PEX1: variants seen among roughly 807,000 people sequenced by gnomAD.
PEX1 encodes peroxisomal biogenesis factor 1.
PEX1 carries 97 observed loss-of-function variants against 152.5 expected under a neutral mutation model. The ratio of observed to expected loss-of-function variants is 0.64; its 90% CI spans 0.54 to 0.75. PEX1 has a LOEUF of 0.75. PEX1 is among the 30% of genes least tolerant of loss of function. The pLI is 0.00. For missense variants in PEX1, 1,357 were observed against 1,516.3 expected, an observed-to-expected ratio of 0.89 and a Z score of 1.74; for synonymous variants, 485 against 531.6, an observed-to-expected ratio of 0.91 and a Z score of 1.21.
At chr7:92,503,316 T>C in intron 12 of PEX1, 121 bp from the exon 13 acceptor site, 1 of 811,466 alleles carries the variant, frequency 1.2e-6, no homozygotes, top group Non-Finnish European at 2.0e-6. Flanking sequence ...ATGTATGGTA[T>C]CGCTCTTTCA....
At position 92,504,974 on chromosome 7, in the gene PEX1, AG is replaced by A. The variant is rs1422042519; in HGVS notation, c.1901-73del. 1.1e-5 allele frequency: 12 copies of A among 1,129,604 alleles called. No homozygotes were observed. In the African/African-American group the frequency reaches 1.5e-4, roughly 14 times the overall value. 70.0% of individuals were successfully genotyped at this position (1,129,604 alleles called of 1,614,324 possible). A position where few individuals can be genotyped will look rare whatever the true frequency, so the allele number is the denominator to read the frequency against. The stretch of plus-strand genomic sequence containing the variant: ...GGAAAATTCAGGTTGTCCTTTTGAA[AG>A]CACTAGAAAAGCTCGATATTGATTT... On this transcript the variant is annotated intron_variant, in intron 11 of 23. Transcript: ENST00000248633.
At position 92,487,605 on chromosome 7, in the gene PEX1, G is replaced by T. The variant is rs183618298; in HGVS notation, c.3768-64C>A. ...TACCATTACAAAACAAAAGATAATG[G>T]ATTGTTGGCAAACACAATTATATTT... On this transcript the variant is annotated intron_variant, in intron 23 of 23. Transcript: ENST00000248633. The T allele has an allele frequency of 4.1e-4, 290 of 704,960 alleles. 2 individuals are homozygous for T. In the African/African-American group the frequency reaches 4.7e-3, roughly 12 times the overall value. The allele number at this position is 704,960 out of a possible 1,614,324, so 43.7% of individuals were successfully genotyped here.
Position 92,528,400 on chromosome 7 carries a change from T to A in PEX1, c.36A>T (p.Gly12=). The part of the protein sequence containing the change: ...WGSDRLAGAG[G]GGAAVTVAFT... ...AGGCCACAGTCACTGCCGCCCCGCC[T>A]CCCCCAGCACCCGCCAGGCGATCGC... is the stretch of plus-strand genomic sequence containing the variant. The change falls in exon 1 of 24, where the codon GGA becomes GGT. Residue 12 remains glycine, a synonymous_variant. Coordinates refer to ENST00000248633, the MANE Select transcript of PEX1 (RefSeq NM_000466.3). 1 of 1,594,842 alleles carries A rather than the reference T, an allele frequency of 6.3e-7. No homozygotes were observed. Among genetic ancestry groups the A allele is most frequent in the Non-Finnish European group, 8.5e-7 (1 of 1,172,304 alleles).
intron 19 of PEX1, chr7:92,493,424 C>T (rs1030203600): frequency 5.5e-6 from 1 of 181,242 alleles, no homozygotes; most frequent in Admixed American, 6.0e-5. Flanking sequence ...CACTTGAGCC[C>T]TGGAGTTCAA....
intron 7 of PEX1, among the ~76,000 whole-genome samples, chr7:92,511,287 G>A (rs893216060): frequency 1.3e-5 from 2 of 152,064 alleles, no homozygotes; most frequent in African/African-American, 4.8e-5. Flanking sequence ...ACTATGTCAG[G>A]CTAATTTTTG....
At position 92,504,767 on chromosome 7, in the gene PEX1, CTGTGCTCA is replaced by C; in HGVS notation, c.2028_2035del (p.His676GlnfsTer3). On this transcript the variant is annotated frameshift_variant, in exon 12 of 24. Coordinates refer to ENST00000248633, the MANE Select transcript of PEX1 (RefSeq NM_000466.3). LOFTEE classifies it high-confidence loss of function. ...CCGCTGGCTCTGCACCGCATCAGGA[CTGTGCTCA>C]TGTTCCGGGACAGCAGGCAGTCCAG... 1 of 1,614,208 alleles carries C rather than the reference CTGTGCTCA, an allele frequency of 6.2e-7. No homozygotes were observed. The highest frequency in any genetic ancestry group is 8.5e-7 in the Non-Finnish European group (1 of 1,180,032).
intron 1 of PEX1, among the ~76,000 whole-genome samples, chr7:92,522,611 C>T (rs990797262): frequency 6.6e-6 from 1 of 152,208 alleles, no homozygotes; most frequent in Non-Finnish European, 1.5e-5. Flanking sequence ...CAAAAGCTAT[C>T]TGTGCAGTAT....
chr7:92,526,461 T>C (rs6976142), intron 1 of PEX1, among the ~76,000 whole-genome samples: 17,829 of 152,232 alleles, frequency 0.12, 1,086 homozygotes, highest in Non-Finnish European at 0.13. Context: ...AACTTGTGAA[T>C]CTTTCTGCTT....
chr7:92,493,175 AATATT>A, intron 19 of PEX1, 46 bp from the exon 20 acceptor site: 1 of 1,058,184 alleles, frequency 9.5e-7, no homozygotes, highest in Non-Finnish European at 1.4e-6. Flanking sequence ...TAAAATTAAA[AATATT>A]ATCTTAAATT....
intron 6 of PEX1, among the ~76,000 whole-genome samples, chr7:92,512,687 A>C (rs1792533968): frequency 6.6e-6 from 1 of 151,986 alleles, no homozygotes; most frequent in South Asian, 2.1e-4. Flanking sequence ...ATGGGGTTTC[A>C]CCATGTTGGC....
intron 9 of PEX1, 166 bp from the exon 10 acceptor site, chr7:92,507,292 G>A (rs930899064): frequency 1.9e-5 from 11 of 588,674 alleles, no homozygotes; most frequent in Admixed American, 2.9e-5. Context: ...AGGCTGGAGC[G>A]CAGTGGTGTG....
chr7:92,518,922 A>C, intron 3 of PEX1, 73 bp downstream of exon 3: 2 of 1,072,798 alleles, frequency 1.9e-6, no homozygotes, highest in South Asian at 2.5e-5. Context: ...TAAAGCTTAG[A>C]GAAAGCTAAA....
At chr7:92,521,619 G>A (rs540409087) in intron 2 of PEX1, among the ~76,000 whole-genome samples, 2 of 152,022 alleles carry the variant, frequency 1.3e-5, no homozygotes, top group South Asian at 4.2e-4. Context: ...ATTTTTAGTA[G>A]AGAGGGGGGG....
At chr7:92,516,055 A>AGAGAAGAGAAGAGAAAAAAGAAAAG (rs1321793051) in intron 5 of PEX1, among the ~76,000 whole-genome samples, 150 of 85,772 alleles carry the variant, frequency 1.7e-3, no homozygotes, top group Non-Finnish European at 2.5e-3. Context: ...AGAGAAGAGA[A>AGAGAAGAGAAGAGAAAAAAGAAAAG]AAAAGAAAAG....
chr7:92,518,899 T>G (rs74720435), intron 3 of PEX1, 96 bp downstream of exon 3: 1 of 945,996 alleles, frequency 1.1e-6, no homozygotes. Context: ...CAAAACCAAC[T>G]CAGAATATAT....
chr7:92,493,348 C>T (rs1446372416), intron 19 of PEX1: 2 of 314,188 alleles, frequency 6.4e-6, no homozygotes, highest in Non-Finnish European at 1.1e-5. Context: ...ATCAAACACT[C>T]TTAAGGCTGG....
chr7:92,522,998 G>GT (rs1793117784), intron 1 of PEX1, among the ~76,000 whole-genome samples: 1 of 152,058 alleles, frequency 6.6e-6, no homozygotes, highest in African/African-American at 2.4e-5. Flanking sequence ...GGGAATATAG[G>GT]TTTTAAAAAA....
intron 21 of PEX1, 156 bp from the exon 22 acceptor site, chr7:92,490,067 T>C (rs898288571): frequency 3.5e-5 from 24 of 679,564 alleles, no homozygotes; most frequent in Admixed American, 3.1e-4. Context: ...AGCTGAAAAG[T>C]TGTTCATCTT....
intron 2 of PEX1, among the ~76,000 whole-genome samples, chr7:92,519,391 TATGTGTAGTCTTTC>T (rs1439907806): frequency 6.6e-6 from 1 of 152,172 alleles, no homozygotes; most frequent in East Asian, 1.9e-4. Context: ...CACCTGGCTA[TATGTGTAGTCTTTC>T]ATGTGGCAAA....
Sources: allele counts gnomAD v4.1 joint callset (sites outside exome capture counted in the v4.1 genomes callset), GRCh38; gene constraint gnomAD v4.1.1; transcripts MANE v1.5; gene names NCBI Gene and HGNC (gene_info 2026-07-23, HGNC 2026-07-21).